Variants in SGCZ observed in about 807,000 individuals in gnomAD.
SGCZ encodes the protein zeta-sarcoglycan.
Under a neutral mutation model 41.3 loss-of-function variants are expected in SGCZ, and 40 were observed. That is an observed-to-expected ratio of 0.97 (90% CI 0.75 to 1.26). The LOEUF is 1.26. Ranked by LOEUF, SGCZ falls within the 50% of genes most tolerant of loss-of-function variation. The probability of loss-of-function intolerance (pLI) is 0.00; values close to 1 mark genes in which losing one functional copy is unlikely to be tolerated. For missense variants in SGCZ, 552 were observed against 369.8 expected, an observed-to-expected ratio of 1.49 and a Z score of -4.04; for synonymous variants, 206 against 137.5, an observed-to-expected ratio of 1.50 and a Z score of -3.49.
chr8:15,166,689 C>T (rs903204732), intron 1 of SGCZ, among the ~76,000 whole-genome samples: 8 of 152,150 alleles, frequency 5.3e-5, no homozygotes, highest in African/African-American at 1.9e-4. Context: ...TTGTAAACAA[C>T]AGAGATAACC....
chr8:14,624,359 C>G (rs1331393940), intron 1 of SGCZ, among the ~76,000 whole-genome samples: 1 of 151,898 alleles, frequency 6.6e-6, no homozygotes, highest in Non-Finnish European at 1.5e-5. Flanking sequence ...ATCATCAAAT[C>G]AAATTTTTTG....
intron 2 of SGCZ, among the ~76,000 whole-genome samples, chr8:14,357,117 T>A (rs1299785684): frequency 6.6e-6 from 1 of 152,020 alleles, no homozygotes; most frequent in African/African-American, 2.4e-5. Context: ...AATAAAATAC[T>A]AAGGACCTAC....
intron 4 of SGCZ, among the ~76,000 whole-genome samples, chr8:14,171,898 G>A (rs1041545358): frequency 1.2e-4 from 19 of 152,160 alleles, no homozygotes; most frequent in Admixed American, 9.2e-4. Context: ...TGAATTAAAT[G>A]CTGAACAAGA....
chr8:15,067,898 G>C (rs74905932), intron 1 of SGCZ, among the ~76,000 whole-genome samples: 11,603 of 152,110 alleles, frequency 0.076, 666 homozygotes, highest in African/African-American at 0.16. Context: ...GAACACATTA[G>C]ACAGGTAATG....
intron 5 of SGCZ, among the ~76,000 whole-genome samples, chr8:14,140,531 C>A (rs1375052344): frequency 2.0e-5 from 3 of 152,072 alleles, no homozygotes; most frequent in Admixed American, 6.5e-5. Context: ...CAATAACAGA[C>A]AAACAGAGAG....
chr8:14,758,955 C>T (rs1015520775), intron 1 of SGCZ, among the ~76,000 whole-genome samples: 1 of 149,350 alleles, frequency 6.7e-6, no homozygotes, highest in Non-Finnish European at 1.5e-5. Flanking sequence ...TTGCAGTGAG[C>T]CAAGATCAGG....
chr8:14,425,981 T>C (rs1309675761), intron 2 of SGCZ, among the ~76,000 whole-genome samples: 1 of 152,012 alleles, frequency 6.6e-6, no homozygotes, highest in African/African-American at 2.4e-5. Flanking sequence ...AAAGCACTTA[T>C]GTACCTAAAT....
At chr8:14,538,918 T>G (rs1179123765) in intron 2 of SGCZ, among the ~76,000 whole-genome samples, 1 of 151,946 alleles carries the variant, frequency 6.6e-6, no homozygotes, top group African/African-American at 2.4e-5. Flanking sequence ...AGAAAGCTAT[T>G]TAAATTACGT....
intron 1 of SGCZ, among the ~76,000 whole-genome samples, chr8:15,195,714 T>G (rs913384107): frequency 6.6e-6 from 1 of 152,162 alleles, no homozygotes; most frequent in Non-Finnish European, 1.5e-5. Context: ...TGTTCAAGTA[T>G]AATACTCGGT....
intron 1 of SGCZ, among the ~76,000 whole-genome samples, chr8:14,712,356 A>T (rs1295241100): frequency 6.6e-6 from 1 of 152,166 alleles, no homozygotes; most frequent in East Asian, 1.9e-4. Flanking sequence ...TAAAGACTGT[A>T]TTCTTTCACT....
intron 3 of SGCZ, among the ~76,000 whole-genome samples, chr8:14,317,038 C>G (rs1224604628): frequency 6.6e-6 from 1 of 152,132 alleles, no homozygotes; most frequent in East Asian, 1.9e-4. Context: ...GTTACATTTA[C>G]TCTTCCTCTT....
intron 3 of SGCZ, among the ~76,000 whole-genome samples, chr8:14,291,466 C>T (rs1270122904): frequency 6.6e-6 from 1 of 151,894 alleles, no homozygotes; most frequent in Non-Finnish European, 1.5e-5. Flanking sequence ...CCTAGATTGC[C>T]AAATTTATTT....
At chr8:14,359,498 C>T (rs1005882543) in intron 2 of SGCZ, among the ~76,000 whole-genome samples, 2 of 152,098 alleles carry the variant, frequency 1.3e-5, no homozygotes, top group African/African-American at 2.4e-5. Context: ...AATCTTAAAA[C>T]ATTCCAAAAA....
chr8:14,311,241 T>C (rs1801532226), intron 3 of SGCZ, among the ~76,000 whole-genome samples: 1 of 152,144 alleles, frequency 6.6e-6, no homozygotes, highest in South Asian at 2.1e-4. Flanking sequence ...AGTAATTGTT[T>C]ACATGCTCAG....
chr8:14,760,463 C>T (rs1358529812), intron 1 of SGCZ, among the ~76,000 whole-genome samples: 1 of 152,126 alleles, frequency 6.6e-6, no homozygotes, highest in Admixed American at 6.5e-5. Flanking sequence ...TCTTTAAATT[C>T]GTTTGTCTGC....
intron 1 of SGCZ, among the ~76,000 whole-genome samples, chr8:15,177,919 C>A (rs1323803151): frequency 6.6e-6 from 1 of 152,290 alleles, no homozygotes; most frequent in Non-Finnish European, 1.5e-5. Context: ...ATACCCAGAA[C>A]AGCCATTGCC....
intron 1 of SGCZ, among the ~76,000 whole-genome samples, chr8:14,843,043 T>C (rs1435734540): frequency 2.0e-5 from 3 of 152,132 alleles, no homozygotes; most frequent in Non-Finnish European, 4.4e-5. Context: ...TGAAACCCCA[T>C]CTCTACTAAA....
chr8:14,356,176 T>A (rs750550114), intron 2 of SGCZ, among the ~76,000 whole-genome samples: 2 of 152,158 alleles, frequency 1.3e-5, no homozygotes, highest in African/African-American at 2.4e-5. Context: ...TGTTCTGACA[T>A]GTTTAAAGCA....
intron 2 of SGCZ, among the ~76,000 whole-genome samples, chr8:14,325,034 C>T (rs1336255459): frequency 6.6e-6 from 1 of 152,058 alleles, no homozygotes; most frequent in African/African-American, 2.4e-5. Flanking sequence ...ATGGAGAGTA[C>T]ATTTTGGAGC....
Sources: allele counts gnomAD v4.1 joint callset (sites outside exome capture counted in the v4.1 genomes callset), GRCh38; gene constraint gnomAD v4.1.1; transcripts MANE v1.5; gene names NCBI Gene and HGNC (gene_info 2026-07-23, HGNC 2026-07-21).